DOCK1: variants seen among roughly 807,000 people sequenced by gnomAD.
The protein encoded by DOCK1 is dedicator of cytokinesis protein 1.
DOCK1 carries 138 observed loss-of-function variants against 262.7 expected under a neutral mutation model. That is an observed-to-expected ratio of 0.53 (90% CI 0.46 to 0.61). The LOEUF (loss-of-function observed/expected upper bound fraction) is 0.61, where lower values mean the gene tolerates loss of function less well. DOCK1 is among the 20% of genes least tolerant of loss of function. DOCK1 has a pLI of 0.00. For synonymous variants in DOCK1, 866 were observed against 867.4 expected (o/e 1.00, Z 0.03); for missense variants, 1,908 against 2,370.7 (o/e 0.80, Z 4.05).
At chr10:127,279,192 T>C (rs939311389) in intron 29 of DOCK1, among the ~76,000 whole-genome samples, 1 of 152,230 alleles carries the variant, frequency 6.6e-6, no homozygotes, top group African/African-American at 2.4e-5. Context: ...ATTACTAGAC[T>C]TGTAGGTGGA....
At chr10:127,189,524 T>C (rs2056561067) in intron 27 of DOCK1, among the ~76,000 whole-genome samples, 1 of 152,216 alleles carries the variant, frequency 6.6e-6, no homozygotes, top group South Asian at 2.1e-4. Context: ...AGAATAAATA[T>C]TATATAGCAA....
At chr10:127,368,028 C>T (rs1236246927) in intron 33 of DOCK1, among the ~76,000 whole-genome samples, 2 of 152,174 alleles carry the variant, frequency 1.3e-5, no homozygotes, top group African/African-American at 4.8e-5. Context: ...CTTCCCTGCC[C>T]TGTCCATACT....
At position 127,175,337 on chromosome 10, in the gene DOCK1, C is replaced by T. The variant is rs575636006; in HGVS notation, c.2847+47573C>T. 1.3e-5 allele frequency: 21 copies of T among 1,614,098 alleles called. No homozygotes were observed. Among genetic ancestry groups the T allele is most frequent in the African/African-American group, 6.7e-5 (5 of 75,022 alleles). On this transcript the variant is annotated intron_variant, in intron 27 of 51. Coordinates refer to ENST00000623213, the MANE Select transcript of DOCK1 (RefSeq NM_001290223.2). The surrounding 1 kb of genome is among the most constrained non-coding windows in gnomAD (Gnocchi z 6.3). Reference sequence around the variant, plus strand: ...GTTGTGCTTTGAGGTCGACCACTTCCGTATGAGGCACGATTCGTTGGCATT... The same window carrying T: ...GTTGTGCTTTGAGGTCGACCACTTCTGTATGAGGCACGATTCGTTGGCATT...
intron 30 of DOCK1, among the ~76,000 whole-genome samples, chr10:127,341,887 G>A (rs925268262): frequency 6.6e-6 from 1 of 152,122 alleles, no homozygotes. Context: ...CACAGTCAGG[G>A]GCCCATCTAG....
In DOCK1 at chr10:127,374,185, A is replaced by C. The variant is rs768132044; in HGVS notation, c.3646A>C (p.Asn1216His). The C allele has an allele frequency of 3.1e-6, 5 of 1,613,512 alleles. No individual in the cohort carries two copies. The highest frequency in any genetic ancestry group is 4.2e-6 in the Non-Finnish European group (5 of 1,179,764). ...CATCATGCACGACGAGAACAAAGAA[A>C]ACCGCATGAGCTGCACCGTCAATGT... Reference protein sequence around the residue: ...RTIMHDENKENRMSCTVNVLN... With the variant: ...RTIMHDENKEHRMSCTVNVLN... Residue 1216 changes from asparagine (N) to histidine (H), a missense_variant, in exon 35 of 52, where the codon AAC (asparagine) becomes CAC (histidine). Physicochemically the swap from Asn to His is moderately conservative, Grantham distance 68. Transcript: ENST00000623213.
intron 27 of DOCK1, among the ~76,000 whole-genome samples, chr10:127,219,916 C>A (rs983040243): frequency 2.6e-5 from 4 of 152,038 alleles, no homozygotes; most frequent in Non-Finnish European, 4.4e-5. Context: ...TGACTTACAC[C>A]CTGGCAGTCC....
intron 28 of DOCK1, among the ~76,000 whole-genome samples, chr10:127,249,426 TATATATAC>T (rs1313260096): frequency 1.7e-5 from 1 of 59,418 alleles, no homozygotes; most frequent in Non-Finnish European, 3.2e-5. Context: ...CATGTACATA[TATATATAC>T]ACACACACAC....
At chr10:127,343,621 G>T in intron 30 of DOCK1, 25 bp from the exon 31 acceptor site, 2 of 1,575,350 alleles carry the variant, frequency 1.3e-6, no homozygotes, top group Non-Finnish European at 1.7e-6. Context: ...CAACAACTTA[G>T]CATCTCCTCC....
At chr10:127,235,040 T>G (rs2058997296) in intron 27 of DOCK1, among the ~76,000 whole-genome samples, 1 of 148,886 alleles carries the variant, frequency 6.7e-6, no homozygotes, top group Non-Finnish European at 1.5e-5. Flanking sequence ...GCATATATAC[T>G]TATACATAAA....
At chr10:127,076,636 C>T (rs1278228155) in intron 23 of DOCK1, among the ~76,000 whole-genome samples, 1 of 152,178 alleles carries the variant, frequency 6.6e-6, no homozygotes, top group Non-Finnish European at 1.5e-5. Context: ...GCAGCTGCAT[C>T]CCCCACCCCA....
chr10:127,395,047 A>G (rs4750853), intron 38 of DOCK1, among the ~76,000 whole-genome samples: 113,953 of 152,136 alleles, frequency 0.75, 42,901 homozygotes, highest in African/African-American at 0.81. Context: ...TGGGAGGAAC[A>G]GGAATTTCAG....
intron 1 of DOCK1, among the ~76,000 whole-genome samples, chr10:126,960,962 T>C (rs1268403116): frequency 6.6e-6 from 1 of 152,098 alleles, no homozygotes; most frequent in Non-Finnish European, 1.5e-5. Flanking sequence ...AAAATGTCTT[T>C]TACTGTGTCT....
At chr10:127,303,289 CA>C (rs1465526002) in intron 29 of DOCK1, among the ~76,000 whole-genome samples, 5 of 152,152 alleles carry the variant, frequency 3.3e-5, no homozygotes, top group Admixed American at 3.3e-4. Flanking sequence ...TTCCTGAAAA[CA>C]GGCCAATGAC....
chr10:127,399,765 G>A (rs1054352544), intron 38 of DOCK1, among the ~76,000 whole-genome samples: 2 of 152,114 alleles, frequency 1.3e-5, no homozygotes, highest in Non-Finnish European at 2.9e-5. Context: ...AGAATCCAGT[G>A]TAAGAGACCT....
rs931055977 is a variant in DOCK1, at chr10:127,404,490, C to A, written c.4122+61C>A. 4.2e-5 allele frequency: 64 copies of A among 1,514,276 alleles called. No homozygotes were observed. In the African/African-American group the frequency reaches 8.8e-4, roughly 21 times the overall value. The allele number at this position is 1,514,276 out of a possible 1,614,324, so 93.8% of individuals were successfully genotyped here. A position where few individuals can be genotyped will look rare whatever the true frequency, so the allele number is the denominator to read the frequency against. Reference sequence around the variant, plus strand: ...GTTCCCCCAGCAGAAAATCCCCTTCCCGTTCTGAGGAAGGGTGGGGAGTTT... The same window carrying A: ...GTTCCCCCAGCAGAAAATCCCCTTCACGTTCTGAGGAAGGGTGGGGAGTTT... On this transcript the variant is annotated intron_variant, in intron 40 of 51. Transcript: ENST00000623213.
intron 1 of DOCK1, among the ~76,000 whole-genome samples, chr10:126,968,127 G>A (rs2037815104): frequency 6.6e-6 from 1 of 152,062 alleles, no homozygotes; most frequent in Admixed American, 6.6e-5. Context: ...TGCCACACCC[G>A]GCCAAGATGC....
At chr10:127,433,794 T>C (rs2069467323) in intron 48 of DOCK1, among the ~76,000 whole-genome samples, 1 of 151,920 alleles carries the variant, frequency 6.6e-6, no homozygotes, top group Non-Finnish European at 1.5e-5. Flanking sequence ...CACCAATCCA[T>C]AAACTCCTTA....
At chr10:127,104,100 C>A (rs2048401719) in intron 23 of DOCK1, among the ~76,000 whole-genome samples, 1 of 152,070 alleles carries the variant, frequency 6.6e-6, no homozygotes. Context: ...ATCTCTTTTG[C>A]CCATTTTGCA....
intron 29 of DOCK1, among the ~76,000 whole-genome samples, chr10:127,307,066 C>G (rs1019014134): frequency 1.3e-5 from 2 of 152,154 alleles, no homozygotes; most frequent in African/African-American, 4.8e-5. Flanking sequence ...TATATTACTT[C>G]TCAATATATT....
Sources: allele counts gnomAD v4.1 joint callset (sites outside exome capture counted in the v4.1 genomes callset), GRCh38; gene constraint gnomAD v4.1.1; non-coding constraint Gnocchi (gnomAD v3.1); transcripts MANE v1.5; gene names NCBI Gene and HGNC (gene_info 2026-07-23, HGNC 2026-07-21).